NTM: variants seen among roughly 807,000 people sequenced by gnomAD.
NTM encodes neurotrimin, also known as IgLON family member 2.
NTM carries 13 observed loss-of-function variants against 42.1 expected under a neutral mutation model. The ratio of observed to expected loss-of-function variants is 0.31; its 90% CI spans 0.20 to 0.49. The LOEUF is 0.49. Ranked by LOEUF, NTM falls within the 20% of genes least tolerant of loss-of-function variation. The probability of loss-of-function intolerance (pLI) is 0.99; values close to 1 mark genes in which losing one functional copy is unlikely to be tolerated. For synonymous variants in NTM, 187 were observed against 179.2 expected (o/e 1.04, Z -0.35); for missense variants, 373 against 452.8 (o/e 0.82, Z 1.60).
At chr11:132,320,941 T>C (rs1307889589) in intron 7 of NTM, among the ~76,000 whole-genome samples, 3 of 151,016 alleles carry the variant, frequency 2.0e-5, no homozygotes, top group Admixed American at 6.6e-5. Context: ...TGCAGGGTAC[T>C]CCAACAGACC....
At chr11:131,535,850 G>C (rs2052103121) in intron 1 of NTM, 1 of 152,234 alleles carries the variant, frequency 6.6e-6, no homozygotes, top group African/African-American at 2.4e-5. Flanking sequence ...AAACATGGTT[G>C]AACGAGTGCT....
intron 2 of NTM, among the ~76,000 whole-genome samples, chr11:132,105,571 A>G (rs1378060369): frequency 6.6e-6 from 1 of 152,140 alleles, no homozygotes; most frequent in Non-Finnish European, 1.5e-5. Context: ...CAGTGGGAAG[A>G]GACAAAACCC....
At chr11:131,410,719 G>A (rs908906355) in intron 1 of NTM, among the ~76,000 whole-genome samples, 8 of 151,768 alleles carry the variant, frequency 5.3e-5, no homozygotes, top group African/African-American at 1.7e-4. Flanking sequence ...TTCTGATTAC[G>A]GCCTTTGCTT....
chr11:131,934,147 G>A (rs950827068), intron 2 of NTM, among the ~76,000 whole-genome samples: 1 of 152,188 alleles, frequency 6.6e-6, no homozygotes, highest in Non-Finnish European at 1.5e-5. Flanking sequence ...TTTTTAAGAA[G>A]CAAGAACACA....
At chr11:131,384,096 G>A (rs1286967291) in intron 1 of NTM, among the ~76,000 whole-genome samples, 1 of 152,170 alleles carries the variant, frequency 6.6e-6, no homozygotes, top group African/African-American at 2.4e-5. Flanking sequence ...AATGCAATTT[G>A]GGTCATGATG....
At chr11:131,802,154 C>T (rs550021616) in intron 1 of NTM, among the ~76,000 whole-genome samples, 1 of 152,288 alleles carries the variant, frequency 6.6e-6, no homozygotes, top group East Asian at 1.9e-4. Context: ...ATAAAAGACT[C>T]CTAAATTAGA....
At chr11:131,572,093 C>T (rs1382941192) in intron 1 of NTM, among the ~76,000 whole-genome samples, 1 of 152,186 alleles carries the variant, frequency 6.6e-6, no homozygotes, top group Non-Finnish European at 1.5e-5. Flanking sequence ...CAGGTCAACC[C>T]ACGGTGCTTG....
intron 1 of NTM, among the ~76,000 whole-genome samples, chr11:131,789,732 G>A (rs1039759691): frequency 7.9e-5 from 12 of 151,270 alleles, no homozygotes; most frequent in Admixed American, 7.2e-4. Context: ...GGAGGCAGGC[G>A]GATCACGAGG....
At chr11:131,897,093 C>T (rs12278360) in intron 1 of NTM, 6,718 of 152,290 alleles carry the variant, frequency 0.044, 232 homozygotes, top group Non-Finnish European at 0.07. Flanking sequence ...CTAACCTCTG[C>T]GGCCTCTGTA....
intron 1 of NTM, among the ~76,000 whole-genome samples, chr11:131,894,271 C>T (rs114063499): frequency 1.8e-4 from 28 of 152,314 alleles, no homozygotes; most frequent in African/African-American, 6.7e-4. Context: ...TGTGTTCAGG[C>T]TTGGTCTATA....
chr11:131,432,839 C>CT lies in NTM; in HGVS notation c.82+61983dup, dbSNP rs377739708. ...CTACAAAAGATGAAGATTTAGCATT[C>CT]TTTTTTTTTTTTTTTTTTTTTTTTT... On this transcript the variant is annotated intron_variant, in intron 1 of 8. Coordinates refer to ENST00000683400, the MANE Select transcript of NTM (RefSeq NM_001352005.2). Among the ~76,000 whole-genome samples, 243 of 68,692 alleles carry CT rather than the reference C, an allele frequency of 3.5e-3. 22 individuals carry two copies. The highest frequency in any genetic ancestry group is 4.1e-3 in the Non-Finnish European group (159 of 38,804). 45.1% of individuals were successfully genotyped at this position (68,692 alleles called of 152,430 possible). A position where few individuals can be genotyped will look rare whatever the true frequency, so the allele number is the denominator to read the frequency against.
At position 131,898,048 on chromosome 11, in the gene NTM, C is replaced by A. The variant is rs140774857; in HGVS notation, c.83-13516C>A. 2.5e-3 allele frequency among the ~76,000 whole-genome samples: 373 copies of A among 152,216 alleles called. 1 individual carries two copies. The highest frequency in any genetic ancestry group is 8.5e-3 in the African/African-American group (354 of 41,554). On this transcript the variant is annotated intron_variant, in intron 1 of 8. Transcript: ENST00000683400. ...TAGGCTGATTATTATTAATGTTATT[C>A]TTGGATGGAGAGTGCTAGGAGGTCG... is the stretch of plus-strand genomic sequence containing the variant.
Position 131,667,919 on chromosome 11 carries a change from T to G in NTM, c.83-243645T>G, listed in dbSNP as rs144927413. 3.3e-4 allele frequency among the ~76,000 whole-genome samples: 50 copies of G among 152,338 alleles called. 1 individual carries two copies. Among genetic ancestry groups the G allele is most frequent in the African/African-American group, 1.1e-3 (46 of 41,576 alleles). ...TTCCCACTGCTGGGTTTTGATTAGT[T>G]GAACTCCAAGGGCACCTCTCTTCCA... On this transcript the variant is annotated intron_variant, in intron 1 of 8. Coordinates refer to ENST00000683400, the MANE Select transcript of NTM (RefSeq NM_001352005.2).
intron 4 of NTM, among the ~76,000 whole-genome samples, chr11:132,262,378 A>G (rs2092914487): frequency 6.6e-6 from 1 of 152,168 alleles, no homozygotes; most frequent in Non-Finnish European, 1.5e-5. Flanking sequence ...CGGTTGACTA[A>G]GGCTGCTATA....
intron 2 of NTM, among the ~76,000 whole-genome samples, chr11:132,109,943 G>A (rs2062939533): frequency 6.6e-6 from 1 of 152,088 alleles, no homozygotes; most frequent in Non-Finnish European, 1.5e-5. Context: ...CCCCTCTTCT[G>A]TCCCCCAGTC....
intron 1 of NTM, among the ~76,000 whole-genome samples, chr11:131,497,904 G>A (rs1015096072): frequency 5.9e-5 from 9 of 151,914 alleles, no homozygotes; most frequent in South Asian, 2.1e-4. Context: ...TACTCACCTC[G>A]CCACTCCGGC....
rs913132987 is a variant in NTM, at chr11:132,059,959, A to G, written c.168-86323A>G. Among the ~76,000 whole-genome samples the G allele has an allele frequency of 3.3e-5, 5 of 152,044 alleles. No homozygotes were observed. In the Middle Eastern group the frequency reaches 0.01, roughly 310 times the overall value. On this transcript the variant is annotated intron_variant, in intron 2 of 8. Transcript: ENST00000683400. ...CTGCAGCCTTTTGAGGGAGGTGCCTATTTCTTCCAGATTAGAGACCCTCCT... is the reference window on the plus strand; with the variant it reads ...CTGCAGCCTTTTGAGGGAGGTGCCTGTTTCTTCCAGATTAGAGACCCTCCT...
chr11:131,540,154 G>GTT lies in NTM; in HGVS notation c.82+169293_82+169294dup, dbSNP rs57022166. Reference sequence around the variant, plus strand: ...AACATAATTAAAGCTATTTAAGCTTGTTTTTTTTTTTTTTTTTTTTTTTTT... The same window carrying GTT: ...AACATAATTAAAGCTATTTAAGCTTGTTTTTTTTTTTTTTTTTTTTTTTTTTT... On this transcript the variant is annotated intron_variant, in intron 1 of 8. Coordinates refer to ENST00000683400, the MANE Select transcript of NTM (RefSeq NM_001352005.2). 5.4e-4 allele frequency among the ~76,000 whole-genome samples: 47 copies of GTT among 86,698 alleles called. 2 individuals carry two copies. Among genetic ancestry groups the GTT allele is most frequent in the South Asian group, 1.7e-3 (3 of 1,762 alleles). The allele number at this position is 86,698 out of a possible 152,430, so 56.9% of individuals were successfully genotyped here. A position where few individuals can be genotyped will look rare whatever the true frequency, so the allele number is the denominator to read the frequency against.
At chr11:132,161,394 T>C (rs4544007) in intron 3 of NTM, among the ~76,000 whole-genome samples, 13 of 90,612 alleles carry the variant, frequency 1.4e-4, no homozygotes, top group African/African-American at 4.4e-4. Context: ...TTTTTTTTTT[T>C]TCCCCACAAA....
Sources: gnomAD v4.1 joint callset for allele counts (sites outside exome capture counted in the v4.1 genomes callset) on GRCh38, gnomAD v4.1.1 for gene constraint, MANE v1.5 for transcripts, NCBI Gene and HGNC (gene_info 2026-07-23, HGNC 2026-07-21) for gene names.